The following MIIP variants were observed in gnomAD, a reference collection of about 807,000 sequenced individuals.
The protein encoded by MIIP is migration and invasion-inhibitory protein.
A neutral mutation model predicts 44.8 loss-of-function variants in MIIP; 44 were observed. The observed-to-expected ratio is 0.98, with a 90% CI of 0.77 to 1.26. The LOEUF is 1.26. MIIP is among the 50% of genes most tolerant of loss of function. The pLI is 0.00. For synonymous variants in MIIP, 225 were observed against 218.3 expected (o/e 1.03, Z -0.27); for missense variants, 496 against 511.7 (o/e 0.97, Z 0.30).
chr1:12,031,643 A>C (rs1640245182), intron 9 of MIIP, 79 bp from the exon 10 acceptor site: 1 of 1,613,418 alleles, frequency 6.2e-7, no homozygotes, highest in Non-Finnish European at 8.5e-7. Flanking sequence ...TGCAAGATCC[A>C]GGAGGGAATG....
intron 4 of MIIP, 142 bp downstream of exon 4, chr1:12,023,059 CTT>C (rs869060053): frequency 0.05 from 17,393 of 346,876 alleles, no homozygotes; most frequent in South Asian, 0.072. Flanking sequence ...GGAGCACCCT[CTT>C]TTTTTTTTTT....
intron 5 of MIIP, 22 bp downstream of exon 5, chr1:12,029,163 T>C (rs1255683522): frequency 1.9e-6 from 3 of 1,597,112 alleles, no homozygotes; most frequent in Non-Finnish European, 2.6e-6. Context: ...CGGGCGAGGG[T>C]GGGCGAGGGC....
At chr1:12,023,762 G>A (rs1015688929) in intron 4 of MIIP, among the ~76,000 whole-genome samples, 5 of 151,698 alleles carry the variant, frequency 3.3e-5, no homozygotes, top group African/African-American at 9.7e-5. Context: ...TTGGGAGGAT[G>A]AGGTGGGCGG....
intron 4 of MIIP, 108 bp downstream of exon 4, chr1:12,023,025 C>A: frequency 1.6e-5 from 12 of 746,862 alleles, no homozygotes; most frequent in Non-Finnish European, 2.6e-5. Context: ...TTGCTTGTTT[C>A]TCTGACCGTG....
At chr1:12,023,000 C>A in intron 4 of MIIP, 83 bp downstream of exon 4, 1 of 1,091,232 alleles carries the variant, frequency 9.2e-7, no homozygotes, top group Non-Finnish European at 1.4e-6. Flanking sequence ...CTGTCTGAGC[C>A]TCCACCCGGT....
chr1:12,031,433 G>T (rs768927760), intron 9 of MIIP, 30 bp downstream of exon 9: 3 of 1,605,390 alleles, frequency 1.9e-6, no homozygotes, highest in African/African-American at 2.7e-5. Context: ...CTAGCCTGGG[G>T]TGCCCCCTAG....
At chr1:12,028,908 A>T in intron 4 of MIIP, 125 bp from the exon 5 acceptor site, 1 of 731,396 alleles carries the variant, frequency 1.4e-6, no homozygotes, top group Non-Finnish European at 2.3e-6. Flanking sequence ...TGTTTGAGGC[A>T]CAGTAGGGAT....
chr1:12,029,386 C>T, intron 6 of MIIP, 105 bp downstream of exon 6: 1 of 1,272,096 alleles, frequency 7.9e-7, no homozygotes, highest in Non-Finnish European at 1.1e-6. Flanking sequence ...CCTGGGGAGG[C>T]CCCTGAGATG....
At chr1:12,028,754 C>G in intron 4 of MIIP, 4 of 456,692 alleles carry the variant, frequency 8.8e-6, no homozygotes, top group South Asian at 2.4e-5. Flanking sequence ...CTTTGTCTGT[C>G]TAGTTCCTGG....
At position 12,021,779 on chromosome 1, in the gene MIIP, T is replaced by C; in HGVS notation, c.53T>C (p.Leu18Pro). ...AQLRLLNLEL[L>P]RQLWVGQDAV... ...CTGCGGCTGCTCAATCTGGAGCTCC[T>C]GAGGCAGCTGTGGGTGGGGCAGGAT... The change falls in exon 2 of 10, where the codon CTG becomes CCG. Residue 18 changes from leucine (L) to proline (P), a missense_variant. Coordinates refer to ENST00000235332, the MANE Select transcript of MIIP (RefSeq NM_021933.4). 1.2e-6 allele frequency: 2 copies of C among 1,613,060 alleles called. No individual in the cohort carries two copies. The highest frequency in any genetic ancestry group is 8.5e-7 in the Non-Finnish European group (1 of 1,179,962).
At chr1:12,029,984 C>G (rs563940146) in intron 7 of MIIP, 44 bp from the exon 8 acceptor site, 30 of 1,610,050 alleles carry the variant, frequency 1.9e-5, no homozygotes, top group Non-Finnish European at 2.1e-5. Flanking sequence ...GGCCCCCAAC[C>G]GCTGGGAGGC....
intron 4 of MIIP, among the ~76,000 whole-genome samples, chr1:12,025,917 C>T (rs4846088): frequency 0.71 from 107,825 of 151,218 alleles, 38,864 homozygotes; most frequent in African/African-American, 0.75. Flanking sequence ...AGGCTGGTCT[C>T]GAACTCCTGA....
In MIIP at chr1:12,031,840, G is replaced by T. The variant is rs775350115; in HGVS notation, c.*32G>T. ...ACTCCTGGGGGAGAACAGCATTCCC[G>T]CCGCCTCCAGCCTCTCCCCTCTGGC... On this transcript the variant is annotated 3_prime_UTR_variant, in exon 10 of 10. Transcript: ENST00000235332. The T allele has an allele frequency of 9.7e-5, 154 of 1,590,330 alleles. No homozygotes were observed. The highest frequency in any genetic ancestry group is 1.3e-4 in the Non-Finnish European group (151 of 1,161,002).
intron 4 of MIIP, among the ~76,000 whole-genome samples, chr1:12,023,676 CT>C (rs771688884): frequency 0.029 from 3,949 of 137,412 alleles, 145 homozygotes; most frequent in African/African-American, 0.089. Flanking sequence ...CCATGCCCGG[CT>C]TTTTTTTTTT....
intron 8 of MIIP, among the ~76,000 whole-genome samples, chr1:12,030,732 G>A (rs1282163577): frequency 2.7e-5 from 4 of 148,708 alleles, no homozygotes; most frequent in East Asian, 2.0e-4. Context: ...CTGAGATCTC[G>A]CCACTGCACT....
chr1:12,029,481 A>C (rs1640179966), intron 6 of MIIP, 200 bp downstream of exon 6: 4 of 708,058 alleles, frequency 5.6e-6, no homozygotes, highest in Non-Finnish European at 9.3e-6. Flanking sequence ...CTGGCCACCG[A>C]ATTAGGGGCT....
intron 4 of MIIP, among the ~76,000 whole-genome samples, chr1:12,025,587 A>G (rs932707584): frequency 6.6e-6 from 1 of 152,156 alleles, no homozygotes; most frequent in East Asian, 1.9e-4. Flanking sequence ...AAACCTCCCC[A>G]TGGGCTTTTC....
At chr1:12,022,693 T>C in intron 3 of MIIP, 140 bp from the exon 4 acceptor site, 1 of 716,004 alleles carries the variant, frequency 1.4e-6, no homozygotes. Context: ...TTTCCCTTCT[T>C]GCTCTTGTGC....
chr1:12,029,964 C>A, intron 7 of MIIP, 64 bp from the exon 8 acceptor site: 1 of 1,609,340 alleles, frequency 6.2e-7, no homozygotes, highest in African/African-American at 1.3e-5. Context: ...AAAAGATGGG[C>A]CTGGGCGTGG....
Sources: gnomAD v4.1 joint callset for allele counts (sites outside exome capture counted in the v4.1 genomes callset) on GRCh38, gnomAD v4.1.1 for gene constraint, MANE v1.5 for transcripts, NCBI Gene and HGNC (gene_info 2026-07-23, HGNC 2026-07-21) for gene names.